RHCG: variants seen among roughly 807,000 people sequenced by gnomAD.
The protein encoded by RHCG is Rh family C glycoprotein, also known as ammonium transporter Rh type C.
A neutral mutation model predicts 55.3 loss-of-function variants in RHCG; 39 were observed. That is an observed-to-expected ratio of 0.70 (90% CI 0.55 to 0.92). RHCG has a LOEUF of 0.92. Ranked by LOEUF, RHCG falls within the 40% of genes least tolerant of loss-of-function variation. The probability of loss-of-function intolerance (pLI) is 0.00; values close to 1 mark genes in which losing one functional copy is unlikely to be tolerated. For synonymous variants in RHCG, 250 were observed against 246.8 expected, an observed-to-expected ratio of 1.01 and a Z score of -0.12; for missense variants, 635 against 627.9, an observed-to-expected ratio of 1.01 and a Z score of -0.12.
Position 89,477,948 on chromosome 15 carries a change from T to G in RHCG, c.864A>C (p.Ala288=), listed in dbSNP as rs776243497. The stretch of plus-strand genomic sequence containing the variant: ...CAGCGGTACCCACGGCCACCCCTCC[T>G]GCGAGCGTGGCATTCTGGATGTGCA... The part of the protein sequence containing the change: ...DMVHIQNATL[A]GGVAVGTAAE... Residue 288 remains alanine, a synonymous_variant, in exon 6 of 11, where the codon GCA becomes GCC. Coordinates refer to ENST00000268122, the MANE Select transcript of RHCG (RefSeq NM_016321.3). The surrounding 1 kb of genome is among the most constrained non-coding windows in gnomAD (Gnocchi z 4.5). The G allele has an allele frequency of 6.2e-7, 1 of 1,610,596 alleles. No individual in the cohort carries two copies. The highest frequency in any genetic ancestry group is 2.2e-5 in the East Asian group (1 of 44,758).
At chr15:89,479,194 C>T (rs1206900721) in intron 5 of RHCG, 128 bp downstream of exon 5, 12 of 930,634 alleles carry the variant, frequency 1.3e-5, no homozygotes, top group Admixed American at 5.8e-5. Context: ...CAAAACAAAT[C>T]ATTTCTCCCC....
At chr15:89,478,440 C>T (rs3784748) in intron 5 of RHCG, among the ~76,000 whole-genome samples, 2,821 of 152,268 alleles carry the variant, frequency 0.019, 56 homozygotes, top group East Asian at 0.042. Context: ...TAGGGGTTAG[C>T]GCTTTCCATC....
chr15:89,475,242 CT>C (rs987003991), intron 9 of RHCG, among the ~76,000 whole-genome samples: 10 of 150,232 alleles, frequency 6.7e-5, no homozygotes, highest in African/African-American at 1.7e-4. Context: ...TCTTTCCTTC[CT>C]TTTTTTTCTT....
At chr15:89,475,914 G>C (rs1266926039) in intron 9 of RHCG, among the ~76,000 whole-genome samples, 1 of 152,168 alleles carries the variant, frequency 6.6e-6, no homozygotes, top group African/African-American at 2.4e-5. Flanking sequence ...ACCACCTGGG[G>C]CTTGTTAAAC....
At position 89,477,741 on chromosome 15, in the gene RHCG, G is replaced by C; in HGVS notation, c.976-88C>G. 2 of 1,602,754 alleles carry C rather than the reference G, an allele frequency of 1.2e-6. No individual in the cohort carries two copies. Among genetic ancestry groups the C allele is most frequent in the Non-Finnish European group, 1.7e-6 (2 of 1,172,034 alleles). On this transcript the variant is annotated intron_variant, in intron 6 of 10. Transcript: ENST00000268122. The surrounding 1 kb of genome is among the most constrained non-coding windows in gnomAD (Gnocchi z 4.5). ...GATTCCAGAGACCCAGGATTCTCTA[G>C]CCCTCAGCCCCCTCCCTAGGAACCC...
chr15:89,482,065 G>A (rs544374987), intron 3 of RHCG, among the ~76,000 whole-genome samples: 9 of 152,340 alleles, frequency 5.9e-5, no homozygotes, highest in Admixed American at 5.2e-4. Flanking sequence ...GCCTCCCAAA[G>A]TGCTGGAATT....
chr15:89,496,275 C>G, intron 1 of RHCG, 86 bp downstream of exon 1: 1 of 1,418,376 alleles, frequency 7.1e-7, no homozygotes, highest in Admixed American at 1.7e-5. Context: ...AGATCCCCTC[C>G]TCTGCCCAGC....
chr15:89,477,868 A>G lies in RHCG; in HGVS notation c.944T>C (p.Ile315Thr), dbSNP rs150806791. Reference protein sequence around the residue: ...GALIIGFVCGIISTLGFVYLT... With the variant: ...GALIIGFVCGTISTLGFVYLT... ...GTATACAAAACCCAGGGTGGAGATG[A>G]TGCCGCAGACGAAGCCGATGATGAG... The change falls in exon 6 of 11, where the codon ATC (isoleucine) becomes ACC (threonine). Residue 315 changes from isoleucine to threonine, a missense_variant. Coordinates refer to ENST00000268122, the MANE Select transcript of RHCG (RefSeq NM_016321.3). The surrounding 1 kb of genome is among the most constrained non-coding windows in gnomAD (Gnocchi z 4.5). 1.9e-6 allele frequency: 3 copies of G among 1,614,076 alleles called. No homozygotes were observed. The highest frequency in any genetic ancestry group is 2.5e-6 in the Non-Finnish European group (3 of 1,179,994).
At chr15:89,492,954 C>T (rs1394179736) in intron 1 of RHCG, among the ~76,000 whole-genome samples, 1 of 152,172 alleles carries the variant, frequency 6.6e-6, no homozygotes, top group Non-Finnish European at 1.5e-5. Flanking sequence ...TCTTAGAGAT[C>T]CTGTACTTTA....
intron 3 of RHCG, 57 bp downstream of exon 3, chr15:89,483,010 C>T: frequency 1.4e-6 from 2 of 1,474,448 alleles, no homozygotes; most frequent in Non-Finnish European, 1.8e-6. Flanking sequence ...TTTCTCCATA[C>T]CCTGCTGTCC....
At position 89,471,817 on chromosome 15, in the gene RHCG, A is replaced by G. The variant is rs1190244771; in HGVS notation, c.*63T>C. ...TCACTCTTGCATCCCTAGCTAGGTC[A>G]GCACCAGCTCCTCTGGGCCCCAGGA... On this transcript the variant is annotated 3_prime_UTR_variant, in exon 11 of 11. Transcript: ENST00000268122. The G allele has an allele frequency of 6.5e-6, 1 of 152,738 alleles. No individual in the cohort carries two copies. The highest frequency in any genetic ancestry group is 1.5e-5 in the Non-Finnish European group (1 of 68,166). The allele number at this position is 152,738 out of a possible 1,614,324, so 9.5% of individuals were successfully genotyped here.
At position 89,490,781 on chromosome 15, in the gene RHCG, CA is replaced by C. The variant is rs569333305; in HGVS notation, c.185-3797del. ...CTGGCCGTGGTGAATTTCAGATGAC[CA>C]GGGGGGTGAGGGCTGGGCTGGTGGG... On this transcript the variant is annotated intron_variant, in intron 1 of 10. Coordinates refer to ENST00000268122, the MANE Select transcript of RHCG (RefSeq NM_016321.3). 1.0e-3 allele frequency among the ~76,000 whole-genome samples: 142 copies of C among 140,836 alleles called. 1 individual carries two copies. The highest frequency in any genetic ancestry group is 3.6e-3 in the African/African-American group (131 of 36,590). The allele number at this position is 140,836 out of a possible 152,430, so 92.4% of individuals were successfully genotyped here.
intron 1 of RHCG, among the ~76,000 whole-genome samples, chr15:89,495,058 C>CT (rs537746060): frequency 1.5e-3 from 222 of 150,332 alleles, no homozygotes; most frequent in Non-Finnish European, 2.3e-3. Flanking sequence ...CTGCAGCTGT[C>CT]TAAGATATCT....
chr15:89,484,829 T>C (rs1237160388), intron 2 of RHCG, among the ~76,000 whole-genome samples: 1 of 150,004 alleles, frequency 6.7e-6, no homozygotes, highest in African/African-American at 2.5e-5. Flanking sequence ...GGCCCATCCC[T>C]TGGGCTATCA....
In RHCG at chr15:89,496,557, C is replaced by T. The variant is rs776733532; in HGVS notation, c.-13G>A. On this transcript the variant is annotated 5_prime_UTR_variant, in exon 1 of 11. Coordinates refer to ENST00000268122, the MANE Select transcript of RHCG (RefSeq NM_016321.3). ...TGTTCCAGGCCATGCTGCAGGGGTG[C>T]CTGGCCGGGCTGGCAGCGGGCGGTT... 1.2e-6 allele frequency: 2 copies of T among 1,602,968 alleles called. No homozygotes were observed. The highest frequency in any genetic ancestry group is 1.7e-6 in the Non-Finnish European group (2 of 1,174,852).
At position 89,477,838 on chromosome 15, in the gene RHCG, G is replaced by A. The variant is rs1244951094; in HGVS notation, c.974C>T (p.Thr325Ile). 2.5e-6 allele frequency: 4 copies of A among 1,614,028 alleles called. No homozygotes were observed. The highest frequency in any genetic ancestry group is 3.4e-6 in the Non-Finnish European group (4 of 1,179,994). The change falls in exon 6 of 11, where the codon ACC (threonine) becomes ATC (isoleucine). Residue 325 changes from threonine (T) to isoleucine (I), a missense_variant and splice_region_variant. By Grantham distance (89) the Thr-to-Ile change is moderately conservative. Coordinates refer to ENST00000268122, the MANE Select transcript of RHCG (RefSeq NM_016321.3). This position sits in a 1 kb window ranked among gnomAD's most constrained non-coding sequence, Gnocchi z 4.5. ...CAGCCCCTTGCCTGGGGCACTTACG[G>A]TCAGGTATACAAAACCCAGGGTGGA... ...IISTLGFVYL[T>I]PFLESRLHIQ... is the part of the protein sequence containing the mutation.
intron 9 of RHCG, among the ~76,000 whole-genome samples, chr15:89,475,197 CCTTCTTTCCT>C: frequency 1.0e-5 from 1 of 99,206 alleles, no homozygotes; most frequent in South Asian, 3.6e-4. Flanking sequence ...TGCCTTCCTT[CCTTCTTTCCT>C]TCCTTCCTTC....
intron 2 of RHCG, among the ~76,000 whole-genome samples, chr15:89,483,591 T>C (rs576081167): frequency 6.6e-6 from 1 of 152,328 alleles, no homozygotes; most frequent in African/African-American, 2.4e-5. Flanking sequence ...CTCCTTTTAC[T>C]GCCTCCTCTT....
At chr15:89,473,777 C>T (rs1283801057) in intron 9 of RHCG, among the ~76,000 whole-genome samples, 1 of 152,170 alleles carries the variant, frequency 6.6e-6, no homozygotes, top group Non-Finnish European at 1.5e-5. Flanking sequence ...AGCATCCCCG[C>T]AAGAGATCCT....
Sources: gnomAD v4.1 joint callset for allele counts (sites outside exome capture counted in the v4.1 genomes callset) on GRCh38, gnomAD v4.1.1 for gene constraint, Gnocchi (gnomAD v3.1) non-coding constraint, MANE v1.5 for transcripts, NCBI Gene and HGNC (gene_info 2026-07-23, HGNC 2026-07-21) for gene names.